RFX3: variants seen among roughly 807,000 people sequenced by gnomAD.
RFX3 encodes transcription factor RFX3.
RFX3 carries 14 observed loss-of-function variants against 98.6 expected under a neutral mutation model. That is an observed-to-expected ratio of 0.14 (90% CI 0.09 to 0.22). The LOEUF (loss-of-function observed/expected upper bound fraction) is 0.22, where lower values mean the gene tolerates loss of function less well. Among genes scored for constraint, RFX3 ranks in the 10% least tolerant of loss-of-function variants. RFX3 has a pLI of 1.00. For synonymous variants in RFX3, 383 were observed against 328.4 expected, an observed-to-expected ratio of 1.17 and a Z score of -1.80; for missense variants, 639 against 926.9, an observed-to-expected ratio of 0.69 and a Z score of 4.03.
intron 1 of RFX3, among the ~76,000 whole-genome samples, chr9:3,475,694 G>T (rs1224986224): frequency 1.3e-5 from 2 of 152,228 alleles, no homozygotes; most frequent in African/African-American, 4.8e-5. Flanking sequence ...AGAGCCAGGT[G>T]TACAGGATGG....
chr9:3,235,353 G>A (rs1818998108), intron 15 of RFX3, among the ~76,000 whole-genome samples: 1 of 152,156 alleles, frequency 6.6e-6, no homozygotes, highest in African/African-American at 2.4e-5. Context: ...AAGGAGAGGA[G>A]GAAGCAGGAA....
chr9:3,352,433 A>AT (rs996809492), intron 2 of RFX3, among the ~76,000 whole-genome samples: 49 of 152,060 alleles, frequency 3.2e-4, no homozygotes, highest in Non-Finnish European at 6.0e-4. Context: ...TTGCTCTTAG[A>AT]TTTTTTTAAG....
intron 4 of RFX3, among the ~76,000 whole-genome samples, chr9:3,324,528 C>G (rs1831673650): frequency 6.7e-6 from 1 of 149,760 alleles, no homozygotes; most frequent in African/African-American, 2.5e-5. Flanking sequence ...CAAAAAGTCT[C>G]CAAGACATAT....
intron 6 of RFX3, 32 bp from the exon 7 acceptor site, chr9:3,288,282 A>G: frequency 6.2e-7 from 1 of 1,603,730 alleles, no homozygotes; most frequent in South Asian, 1.1e-5. Context: ...ATTAGAAACA[A>G]AAGTCAGTCA....
chr9:3,518,480 T>C (rs1274061526), intron 1 of RFX3, among the ~76,000 whole-genome samples: 1 of 152,042 alleles, frequency 6.6e-6, no homozygotes, highest in Non-Finnish European at 1.5e-5. Flanking sequence ...CAGACAAACA[T>C]CTGTACAATA....
At chr9:3,424,655 C>G (rs531190690) in intron 1 of RFX3, among the ~76,000 whole-genome samples, 11 of 152,028 alleles carry the variant, frequency 7.2e-5, no homozygotes, top group Non-Finnish European at 1.0e-4. Context: ...CCACCGCGCC[C>G]GGCCCATAAT....
In RFX3 at chr9:3,288,104, CACA is replaced by C. The variant is rs781551784; in HGVS notation, c.851+24_851+26del. 28 of 1,610,850 alleles carry C rather than the reference CACA, an allele frequency of 1.7e-5. 1 individual carries two copies. The South Asian group carries it at 2.9e-4, about 16-fold the overall frequency. ...ACAACTAAGAAATACATAGCTTGGA[CACA>C]TCAATGATAACTTCAGAGTCTACCT... On this transcript the variant is annotated intron_variant, in intron 7 of 16. Coordinates refer to ENST00000617270, the MANE Select transcript of RFX3 (RefSeq NM_001282116.2).
intron 1 of RFX3, among the ~76,000 whole-genome samples, chr9:3,426,507 GGAGGTGAGCAA>G (rs1209869421): frequency 3.3e-5 from 5 of 152,198 alleles, no homozygotes; most frequent in South Asian, 2.1e-4. Flanking sequence ...CCACACAGCA[GGAGGTGAGCAA>G]GAGGTGAGCA....
At chr9:3,364,975 C>A (rs1268831326) in intron 2 of RFX3, among the ~76,000 whole-genome samples, 1 of 152,012 alleles carries the variant, frequency 6.6e-6, no homozygotes, top group African/African-American at 2.4e-5. Flanking sequence ...TAAATTAATT[C>A]TTTTAAGTAA....
At chr9:3,290,476 G>T (rs926322518) in intron 6 of RFX3, among the ~76,000 whole-genome samples, 1 of 152,048 alleles carries the variant, frequency 6.6e-6, no homozygotes, top group African/African-American at 2.4e-5. Flanking sequence ...GTTGAATAAA[G>T]CCCAGAGTTT....
chr9:3,427,820 A>G (rs994927089), intron 1 of RFX3, among the ~76,000 whole-genome samples: 1 of 152,090 alleles, frequency 6.6e-6, no homozygotes, highest in African/African-American at 2.4e-5. Context: ...TCACTCAGCC[A>G]TGACTTGAAG....
chr9:3,358,341 G>C (rs905627780), intron 2 of RFX3, among the ~76,000 whole-genome samples: 8 of 151,898 alleles, frequency 5.3e-5, no homozygotes, highest in Non-Finnish European at 8.8e-5. Flanking sequence ...ATCCCATTTG[G>C]TTTCAGCCAT....
chr9:3,286,662 A>T (rs113537076), intron 7 of RFX3, among the ~76,000 whole-genome samples: 66 of 152,050 alleles, frequency 4.3e-4, no homozygotes, highest in African/African-American at 1.5e-3. Context: ...CATAGCTTCA[A>T]AGCTATGTTC....
chr9:3,461,634 A>C (rs1375565178), intron 1 of RFX3, among the ~76,000 whole-genome samples: 3 of 152,008 alleles, frequency 2.0e-5, no homozygotes, highest in Non-Finnish European at 4.4e-5. Flanking sequence ...GTTAAGCTGA[A>C]ATATAAACAA....
chr9:3,501,755 C>A (rs927825772), intron 1 of RFX3, among the ~76,000 whole-genome samples: 40 of 151,504 alleles, frequency 2.6e-4, no homozygotes, highest in Non-Finnish European at 7.4e-5. Flanking sequence ...CAGGGCTTCA[C>A]CACGTTAGCC....
intron 1 of RFX3, among the ~76,000 whole-genome samples, chr9:3,435,798 A>C (rs1845070388): frequency 7.6e-6 from 1 of 131,184 alleles, no homozygotes. Context: ...AAGCATCTGC[A>C]TTGTAAAAAA....
chr9:3,423,652 G>A (rs1468990388), intron 1 of RFX3, among the ~76,000 whole-genome samples: 1 of 151,742 alleles, frequency 6.6e-6, no homozygotes, highest in Non-Finnish European at 1.5e-5. Context: ...GGGTACAAGG[G>A]AGCTTCGGGA....
intron 15 of RFX3, among the ~76,000 whole-genome samples, chr9:3,245,855 TAC>T (rs1179186635): frequency 6.6e-6 from 1 of 152,148 alleles, no homozygotes; most frequent in African/African-American, 2.4e-5. Flanking sequence ...TCCCACTATG[TAC>T]ACAGGCACGT....
intron 4 of RFX3, among the ~76,000 whole-genome samples, chr9:3,318,848 TTC>T (rs1830935238): frequency 6.6e-6 from 1 of 152,186 alleles, no homozygotes; most frequent in South Asian, 2.1e-4. Context: ...ATTGAATGTG[TTC>T]TGAGAACATT....
Sources: gnomAD v4.1 joint callset for allele counts (sites outside exome capture counted in the v4.1 genomes callset) on GRCh38, gnomAD v4.1.1 for gene constraint, MANE v1.5 for transcripts, NCBI Gene and HGNC (gene_info 2026-07-23, HGNC 2026-07-21) for gene names.